Variants in ZFYVE16 observed in about 807,000 individuals in gnomAD.
ZFYVE16 encodes zinc finger FYVE domain-containing protein 16.
Under a neutral mutation model 138.1 loss-of-function variants are expected in ZFYVE16, and 89 were observed. That is an observed-to-expected ratio of 0.64 (90% CI 0.54 to 0.77). The LOEUF (loss-of-function observed/expected upper bound fraction) is 0.77, where lower values mean the gene tolerates loss of function less well. ZFYVE16 is among the 30% of genes least tolerant of loss of function. The pLI, the probability that ZFYVE16 is intolerant of heterozygous loss-of-function variation, is 0.00. For missense variants in ZFYVE16, 1,793 were observed against 1,786.7 expected, an observed-to-expected ratio of 1.00 and a Z score of -0.06; for synonymous variants, 596 against 618.3, an observed-to-expected ratio of 0.96 and a Z score of 0.53.
At chr5:80,461,171 C>G (rs1235735924) in intron 15 of ZFYVE16, among the ~76,000 whole-genome samples, 2 of 152,146 alleles carry the variant, frequency 1.3e-5, no homozygotes, top group Non-Finnish European at 2.9e-5. Flanking sequence ...TTTCACCTTT[C>G]AATTTCAGAT....
At position 80,437,865 on chromosome 5, in the gene ZFYVE16, C is replaced by A. The variant is rs748805433; in HGVS notation, c.1180C>A (p.Arg394=). The A allele has an allele frequency of 6.2e-7, 1 of 1,613,844 alleles. No homozygotes were observed. Among genetic ancestry groups the A allele is most frequent in the East Asian group, 2.2e-5 (1 of 44,874 alleles). ...TGGATCATTAATTGAAAGTAAAGCA[C>A]GGGGTGATTTTTTACCTCAGCATGA... is the stretch of plus-strand genomic sequence containing the variant. ...MCGSLIESKA[R]GDFLPQHEHK... Residue 394 remains arginine (R), a synonymous_variant, in exon 4 of 19, where the codon CGG becomes AGG. Coordinates refer to ENST00000505560, the MANE Select transcript of ZFYVE16 (RefSeq NM_001284236.3).
Position 80,453,573 on chromosome 5 carries a change from G to C in ZFYVE16, c.3607+1864G>C, listed in dbSNP as rs189355257. 4.6e-3 allele frequency among the ~76,000 whole-genome samples: 707 copies of C among 152,302 alleles called. 13 individuals carry two copies. The highest frequency in any genetic ancestry group is 3.1e-3 in the Non-Finnish European group (214 of 68,006). ...CTATGATAAGCTATTTAGTGGTAAT[G>C]AGGGGAAATTGTCAGTTATACATAG... is the stretch of plus-strand genomic sequence containing the variant. On this transcript the variant is annotated intron_variant, in intron 11 of 18. Coordinates refer to ENST00000505560, the MANE Select transcript of ZFYVE16 (RefSeq NM_001284236.3).
At chr5:80,473,668 C>T in intron 16 of ZFYVE16, 86 bp from the exon 17 acceptor site, 15 of 864,206 alleles carry the variant, frequency 1.7e-5, no homozygotes, top group South Asian at 6.9e-5. Flanking sequence ...ATATTTTTTC[C>T]CTCATTCCAT....
rs571518012 is a variant in ZFYVE16 at position 80,413,670 on chromosome 5, C to T, written c.-94+5517C>T. Among the ~76,000 whole-genome samples, 4 of 152,146 alleles carry T rather than the reference C, an allele frequency of 2.6e-5. No homozygotes were observed. In the South Asian group the frequency reaches 8.3e-4, roughly 32 times the overall value. ...TAGGTAGCTAATAATATGATGGATGCATAGGAGAGAAGTTAGTTTATTACA... is the reference window on the plus strand; with the variant it reads ...TAGGTAGCTAATAATATGATGGATGTATAGGAGAGAAGTTAGTTTATTACA... On this transcript the variant is annotated intron_variant, in intron 1 of 18. Transcript: ENST00000505560.
chr5:80,471,724 T>G (rs1390304718), intron 15 of ZFYVE16, among the ~76,000 whole-genome samples: 2 of 152,230 alleles, frequency 1.3e-5, no homozygotes, highest in African/African-American at 4.8e-5. Flanking sequence ...CCCGCAATAG[T>G]TATATGCTTT....
chr5:80,432,814 A>T (rs6891110), intron 2 of ZFYVE16, among the ~76,000 whole-genome samples: 121,692 of 152,128 alleles, frequency 0.8, 50,860 homozygotes, highest in East Asian at 0.92. Flanking sequence ...AAGAAGACAT[A>T]TATGCAGCCA....
At chr5:80,462,120 A>G (rs78817606) in intron 15 of ZFYVE16, among the ~76,000 whole-genome samples, 1,704 of 152,314 alleles carry the variant, frequency 0.011, 33 homozygotes, top group African/African-American at 0.037. Flanking sequence ...TTCTGGGGAA[A>G]CACAATTCTG....
chr5:80,477,466 A>G lies in ZFYVE16; in HGVS notation c.*89A>G, dbSNP rs1455374240. 1.6e-6 allele frequency: 2 copies of G among 1,250,968 alleles called. No individual in the cohort carries two copies. The highest frequency in any genetic ancestry group is 2.1e-6 in the Non-Finnish European group (2 of 932,790). 77.5% of individuals were successfully genotyped at this position (1,250,968 alleles called of 1,614,324 possible). On this transcript the variant is annotated 3_prime_UTR_variant, in exon 19 of 19. Transcript: ENST00000505560. ...CTGAAATGCCACAAACACTAAAAGT[A>G]TAAATATGTCTGATTTTTGAAACAC...
chr5:80,421,286 T>A (rs1315745584), intron 1 of ZFYVE16, among the ~76,000 whole-genome samples: 4 of 152,180 alleles, frequency 2.6e-5, no homozygotes, highest in African/African-American at 9.7e-5. Context: ...GCTGTGCAGA[T>A]GCTCTTTAGT....
At chr5:80,469,320 G>A (rs1266053251) in intron 15 of ZFYVE16, among the ~76,000 whole-genome samples, 3 of 151,680 alleles carry the variant, frequency 2.0e-5, no homozygotes, top group South Asian at 2.1e-4. Flanking sequence ...TGCCCAGGCT[G>A]GGGCTTGAAC....
intron 5 of ZFYVE16, 142 bp from the exon 6 acceptor site, chr5:80,442,981 G>T: frequency 1.3e-6 from 1 of 774,616 alleles, no homozygotes; most frequent in Non-Finnish European, 1.9e-6. Context: ...CAGTATCTTT[G>T]CCAAGTGCTA....
In ZFYVE16 at chr5:80,477,400, T is replaced by C; in HGVS notation, c.*23T>C. On this transcript the variant is annotated 3_prime_UTR_variant, in exon 19 of 19. Coordinates refer to ENST00000505560, the MANE Select transcript of ZFYVE16 (RefSeq NM_001284236.3). ...TAGTGAAAGAATGTGCCATATTACA[T>C]ATTGCAACCTAATTTGTTAAAACTA... 6.3e-7 allele frequency: 1 copy of C among 1,588,404 alleles called. No individual in the cohort carries two copies. Among genetic ancestry groups the C allele is most frequent in the Non-Finnish European group, 8.5e-7 (1 of 1,171,452 alleles).
chr5:80,450,419 T>C lies in ZFYVE16; in HGVS notation c.3227-12T>C, dbSNP rs1463513760. The C allele has an allele frequency of 1.2e-6, 2 of 1,611,202 alleles. No homozygotes were observed. The highest frequency in any genetic ancestry group is 1.7e-5 in the Admixed American group (1 of 59,828). On this transcript the variant is annotated splice_polypyrimidine_tract_variant and intron_variant, in intron 9 of 18. Coordinates refer to ENST00000505560, the MANE Select transcript of ZFYVE16 (RefSeq NM_001284236.3). Reference sequence around the variant, plus strand: ...AGTTGACATTAATAGTTATATTCTTTTATCATCTAAGATTCCTCAGACAAA... The same window carrying C: ...AGTTGACATTAATAGTTATATTCTTCTATCATCTAAGATTCCTCAGACAAA...
chr5:80,459,061 A>G (rs553283958), intron 14 of ZFYVE16, among the ~76,000 whole-genome samples: 4 of 152,258 alleles, frequency 2.6e-5, no homozygotes, highest in South Asian at 2.1e-4. Flanking sequence ...CTGAGTGGCC[A>G]GGATTATAGG....
intron 13 of ZFYVE16, 55 bp from the exon 14 acceptor site, chr5:80,456,882 AGAATAGGC>A: frequency 1.3e-6 from 2 of 1,503,756 alleles, no homozygotes; most frequent in Non-Finnish European, 1.8e-6. Flanking sequence ...CGTGGCTCTT[AGAATAGGC>A]ATATAATATT....
At chr5:80,427,180 C>T (rs910451113) in intron 1 of ZFYVE16, among the ~76,000 whole-genome samples, 10 of 152,148 alleles carry the variant, frequency 6.6e-5, no homozygotes, top group South Asian at 4.2e-4. Flanking sequence ...CCACTGCGCC[C>T]GGCCACACAT....
intron 3 of ZFYVE16, 53 bp from the exon 4 acceptor site, chr5:80,436,702 TA>T (rs1188020098): frequency 6.9e-7 from 1 of 1,440,712 alleles, no homozygotes; most frequent in Non-Finnish European, 9.4e-7. Flanking sequence ...ATAATATGTT[TA>T]ATAATTTTTA....
intron 8 of ZFYVE16, 39 bp from the exon 9 acceptor site, chr5:80,449,552 G>T (rs373316917): frequency 6.4e-5 from 100 of 1,562,688 alleles, no homozygotes; most frequent in Non-Finnish European, 1.0e-5. Flanking sequence ...TATTTAACAG[G>T]ATATTTATCC....
intron 7 of ZFYVE16, among the ~76,000 whole-genome samples, chr5:80,447,728 A>T (rs1437594942): frequency 6.6e-6 from 1 of 152,124 alleles, no homozygotes; most frequent in Non-Finnish European, 1.5e-5. Context: ...GTGATATGGT[A>T]TGGGATCTTG....
Sources: allele counts gnomAD v4.1 joint callset (sites outside exome capture counted in the v4.1 genomes callset), GRCh38; gene constraint gnomAD v4.1.1; transcripts MANE v1.5; gene names NCBI Gene and HGNC (gene_info 2026-07-23, HGNC 2026-07-21).